Variants in SCHIP1 observed in about 807,000 individuals in gnomAD.
SCHIP1 encodes schwannomin interacting protein 1, also known as schwannomin-interacting protein 1.
A neutral mutation model predicts 29.7 loss-of-function variants in SCHIP1; 8 were observed. The observed-to-expected ratio is 0.27, with a 90% CI of 0.16 to 0.49. The LOEUF (loss-of-function observed/expected upper bound fraction) is 0.49. Among genes scored for constraint, SCHIP1 ranks in the 20% least tolerant of loss-of-function variants. SCHIP1 has a pLI of 0.99. For synonymous variants in SCHIP1, 76 were observed against 94.9 expected (o/e 0.80, Z 1.16); for missense variants, 193 against 294.6 (o/e 0.66, Z 2.52).
the SCHIP1 span, among the ~76,000 whole-genome samples, chr3:159,680,894 T>C: frequency 6.7e-6 from 1 of 149,924 alleles, no homozygotes; most frequent in Non-Finnish European, 1.5e-5. Flanking sequence ...AAAATATAAA[T>C]TTTTAAACTT....
At chr3:159,301,622 G>A in the SCHIP1 span, among the ~76,000 whole-genome samples, 1 of 152,138 alleles carries the variant, frequency 6.6e-6, no homozygotes, top group Non-Finnish European at 1.5e-5. Context: ...CCCCTTTGCT[G>A]TTCTCGTGAT....
chr3:159,513,119 G>A, the SCHIP1 span, among the ~76,000 whole-genome samples: 4 of 152,148 alleles, frequency 2.6e-5, no homozygotes, highest in South Asian at 6.2e-4. Flanking sequence ...TTTTATTGAT[G>A]CTATTTAGAA....
the SCHIP1 span, among the ~76,000 whole-genome samples, chr3:159,404,369 A>G: frequency 1.3e-5 from 2 of 152,088 alleles, no homozygotes; most frequent in Non-Finnish European, 1.5e-5. Flanking sequence ...CTTCGATGGC[A>G]TTTCTGTTCC....
the SCHIP1 span, among the ~76,000 whole-genome samples, chr3:159,547,104 G>A: frequency 2.0e-5 from 3 of 152,088 alleles, no homozygotes; most frequent in Non-Finnish European, 4.4e-5. Flanking sequence ...ACTTTTGAAT[G>A]GTTGCCGTTC....
the SCHIP1 span, among the ~76,000 whole-genome samples, chr3:159,519,165 T>TA: frequency 5.9e-5 from 9 of 151,828 alleles, no homozygotes; most frequent in South Asian, 8.3e-4. Flanking sequence ...ATGATCAGGT[T>TA]AAAAAAAAAT....
the SCHIP1 span, among the ~76,000 whole-genome samples, chr3:159,335,612 C>A: frequency 6.6e-6 from 1 of 151,990 alleles, no homozygotes; most frequent in African/African-American, 2.4e-5. Flanking sequence ...TTTATCCTTG[C>A]GATAGTTTGC....
the SCHIP1 span, among the ~76,000 whole-genome samples, chr3:159,599,288 G>A: frequency 6.6e-6 from 1 of 152,086 alleles, no homozygotes; most frequent in African/African-American, 2.4e-5. Flanking sequence ...AGGTTTTTGG[G>A]GAACAAGTGG....
the SCHIP1 span, among the ~76,000 whole-genome samples, chr3:159,423,156 C>T: frequency 6.6e-6 from 1 of 152,232 alleles, no homozygotes; most frequent in Admixed American, 6.5e-5. Context: ...TTCTGCATTT[C>T]CATCTGAGGT....
the SCHIP1 span, among the ~76,000 whole-genome samples, chr3:159,418,419 G>A: frequency 2.2e-4 from 34 of 152,262 alleles, no homozygotes; most frequent in African/African-American, 7.9e-4. Context: ...GCTAACTATT[G>A]TCATAAAAAC....
chr3:159,570,603 G>A, the SCHIP1 span, among the ~76,000 whole-genome samples: 1 of 152,092 alleles, frequency 6.6e-6, no homozygotes, highest in South Asian at 2.1e-4. Context: ...TGTTCTTTTT[G>A]CTTAGGATTG....
intron 6 of SCHIP1, chr3:159,893,796 A>C (rs1053270276): frequency 1.3e-5 from 2 of 152,074 alleles, no homozygotes; most frequent in African/African-American, 4.8e-5. Flanking sequence ...GAGCAGTCCT[A>C]CCATGGGCCC....
At chr3:159,393,798 C>T in the SCHIP1 span, among the ~76,000 whole-genome samples, 1 of 151,834 alleles carries the variant, frequency 6.6e-6, no homozygotes, top group Admixed American at 6.6e-5. Flanking sequence ...GCGATGCGGG[C>T]TCTTTTTTGG....
the SCHIP1 span, among the ~76,000 whole-genome samples, chr3:159,769,682 G>A: frequency 3.9e-5 from 6 of 152,238 alleles, no homozygotes; most frequent in South Asian, 6.2e-4. Flanking sequence ...CCCAGGAGGC[G>A]GAGGTTGCAG....
At chr3:159,804,002 T>G in the SCHIP1 span, among the ~76,000 whole-genome samples, 2 of 152,318 alleles carry the variant, frequency 1.3e-5, no homozygotes, top group East Asian at 1.9e-4. Flanking sequence ...ATCCATACCC[T>G]GCATCACGAT....
chr3:159,742,699 G>A, the SCHIP1 span, among the ~76,000 whole-genome samples: 19 of 150,068 alleles, frequency 1.3e-4, no homozygotes, highest in African/African-American at 2.2e-4. Flanking sequence ...ACAGAGTCTC[G>A]CTCCATCACC....
chr3:159,622,161 G>C, the SCHIP1 span, among the ~76,000 whole-genome samples: 3 of 152,124 alleles, frequency 2.0e-5, no homozygotes, highest in Non-Finnish European at 2.9e-5. Flanking sequence ...TTTGCTTCAG[G>C]CTTGAACCTA....
chr3:159,536,259 T>C, the SCHIP1 span, among the ~76,000 whole-genome samples: 11 of 152,184 alleles, frequency 7.2e-5, no homozygotes, highest in Non-Finnish European at 1.6e-4. Flanking sequence ...CCCATATCTA[T>C]TCCATTTTCC....
the SCHIP1 span, among the ~76,000 whole-genome samples, chr3:159,759,521 T>C: frequency 6.6e-6 from 1 of 152,234 alleles, no homozygotes; most frequent in African/African-American, 2.4e-5. Context: ...ATTTAATTAA[T>C]TGTTACTATT....
chr3:159,480,243 C>T, the SCHIP1 span, among the ~76,000 whole-genome samples: 1 of 152,070 alleles, frequency 6.6e-6, no homozygotes, highest in African/African-American at 2.4e-5. Flanking sequence ...GAAGATACTT[C>T]CTGTTTGGCA....
Sources: gnomAD v4.1 joint callset for allele counts (sites outside exome capture counted in the v4.1 genomes callset) on GRCh38, gnomAD v4.1.1 for gene constraint, MANE v1.5 for transcripts, NCBI Gene and HGNC (gene_info 2026-07-23, HGNC 2026-07-21) for gene names.